The following GRID1 variants were observed in gnomAD, a reference collection of about 807,000 sequenced individuals.
The protein encoded by GRID1 is glutamate ionotropic receptor delta type subunit 1.
In GRID1, 28 loss-of-function variants were observed where a neutral mutation model predicts 98.0. The observed-to-expected ratio is 0.29, with a 90% CI of 0.21 to 0.39. The LOEUF (loss-of-function observed/expected upper bound fraction) is 0.39, where lower values mean the gene tolerates loss of function less well. Among genes scored for constraint, GRID1 ranks in the 10% least tolerant of loss-of-function variants. The pLI is 1.00. For synonymous variants in GRID1, 553 were observed against 538.5 expected (o/e 1.03, Z -0.37); for missense variants, 1,111 against 1,340.5 (o/e 0.83, Z 2.67).
chr10:85,856,304 A>G (rs1843109280), intron 6 of GRID1, 114 bp from the exon 7 acceptor site: 2 of 900,662 alleles, frequency 2.2e-6, no homozygotes, highest in South Asian at 3.2e-5. Context: ...TGTGGTGCCC[A>G]GTATCTATGC....
At chr10:86,096,915 A>T (rs1844228824) in intron 4 of GRID1, among the ~76,000 whole-genome samples, 1 of 152,216 alleles carries the variant, frequency 6.6e-6, no homozygotes, top group Non-Finnish European at 1.5e-5. Context: ...GAGTGGCACC[A>T]CTTACCATTA....
chr10:86,254,357 G>A (rs1846883508), intron 2 of GRID1, among the ~76,000 whole-genome samples: 1 of 152,156 alleles, frequency 6.6e-6, no homozygotes, highest in Non-Finnish European at 1.5e-5. Context: ...TCAAAGTGGG[G>A]TCCCCAGACC....
chr10:86,157,727 G>C (rs570907897), intron 3 of GRID1, among the ~76,000 whole-genome samples: 1 of 152,334 alleles, frequency 6.6e-6, no homozygotes, highest in African/African-American at 2.4e-5. Flanking sequence ...GGGAGTGACA[G>C]TGAGGTTACC....
intron 3 of GRID1, among the ~76,000 whole-genome samples, chr10:86,167,264 T>C (rs1193327795): frequency 6.6e-6 from 1 of 152,234 alleles, no homozygotes; most frequent in Non-Finnish European, 1.5e-5. Context: ...CCCTCCCTGC[T>C]GCTGTCTTCC....
intron 12 of GRID1, among the ~76,000 whole-genome samples, chr10:85,694,856 T>C (rs999941474): frequency 6.6e-6 from 1 of 151,592 alleles, no homozygotes; most frequent in African/African-American, 2.4e-5. Flanking sequence ...ACTTAATGGG[T>C]ACAATGTACA....
At chr10:85,655,358 C>G (rs1840882992) in intron 12 of GRID1, among the ~76,000 whole-genome samples, 1 of 152,216 alleles carries the variant, frequency 6.6e-6, no homozygotes, top group South Asian at 2.1e-4. Flanking sequence ...TTTAAGCTTC[C>G]TGTGCTGTCT....
At chr10:85,644,808 T>C (rs1843165013) in intron 13 of GRID1, among the ~76,000 whole-genome samples, 1 of 152,236 alleles carries the variant, frequency 6.6e-6, no homozygotes, top group South Asian at 2.1e-4. Context: ...CAACTGTTAC[T>C]CCACGTCTTC....
rs564075975 is a variant in GRID1 at position 85,771,342 on chromosome 10, C to A, written c.1234-41728G>T. On this transcript the variant is annotated intron_variant, in intron 8 of 15. Transcript: ENST00000327946. ...AGGAAGCACTAAACATGGAAAGGAACAACCGGTACCAGCCACTGCAAAATC... is the reference window on the plus strand; with the variant it reads ...AGGAAGCACTAAACATGGAAAGGAAAAACCGGTACCAGCCACTGCAAAATC... Among the ~76,000 whole-genome samples, 15 of 152,300 alleles carry A rather than the reference C, an allele frequency of 9.8e-5. No homozygotes were observed. In the South Asian group the frequency reaches 2.1e-3, roughly 21 times the overall value.
In GRID1 at chr10:86,265,359, T is replaced by C. The variant is rs78168275; in HGVS notation, c.236-58711A>G. On this transcript the variant is annotated intron_variant, in intron 2 of 15. Transcript: ENST00000327946. ...TTCAGCAGCATTTGATCATTTCAAC[T>C]GGACCCAGCCCTGATAACCTGTGCC... Among the ~76,000 whole-genome samples the C allele has an allele frequency of 4.3e-3, 655 of 152,400 alleles. 6 individuals carry two copies. The highest frequency in any genetic ancestry group is 0.015 in the African/African-American group (623 of 41,598).
At chr10:85,757,050 A>C (rs1248298179) in intron 8 of GRID1, among the ~76,000 whole-genome samples, 1 of 152,166 alleles carries the variant, frequency 6.6e-6, no homozygotes, top group Non-Finnish European at 1.5e-5. Context: ...TCTACCTTCT[A>C]AAATGTACCT....
rs866170844 is a variant in GRID1, at chr10:85,724,421, G to A, written c.1789C>T (p.Pro597Ser). The A allele has an allele frequency of 2.5e-6, 4 of 1,613,998 alleles. No homozygotes were observed. The highest frequency in any genetic ancestry group is 3.3e-5 in the Admixed American group (2 of 60,006). Residue 597 changes from proline (P) to serine (S), a missense_variant, in exon 11 of 16, where the codon CCC (proline) becomes TCC (serine). Around this residue, in one of 3 missense-constraint regions of GRID1, gnomAD observed 762 missense variants for 869.1 expected, o/e 0.88. Transcript: ENST00000327946. Reference sequence around the variant, plus strand: ...AGAGTGGCAGAAGCTGACGGCCTGGGCTGGGCAGCACTCTGAGCCCTCACA... The same window carrying A: ...AGAGTGGCAGAAGCTGACGGCCTGGACTGGGCAGCACTCTGAGCCCTCACA... ...QAVRAQSAAQ[P>S]RPSASATLHS...
intron 4 of GRID1, among the ~76,000 whole-genome samples, chr10:86,118,973 A>G (rs891173048): frequency 1.3e-5 from 2 of 152,202 alleles, no homozygotes; most frequent in Non-Finnish European, 2.9e-5. Flanking sequence ...CCTGACAACT[A>G]ATGCAATGTG....
In GRID1 at chr10:86,206,372, C is replaced by T. The variant is rs1309686129; in HGVS notation, c.512G>A (p.Ser171Asn). ...RWQKFVMFYD[S>N]EYDIRGLQSF... ...CCTGCCGGACAACTCACCATACTCG[C>T]TGTCGTAGAACATGACGAACTTCTG... Residue 171 changes from serine (S) to asparagine (N), a missense_variant, in exon 3 of 16, where the codon AGC becomes AAC. Ser to Asn is a conservative substitution (Grantham distance 46). Coordinates refer to ENST00000327946, the MANE Select transcript of GRID1 (RefSeq NM_017551.3). The surrounding 1 kb of genome is among the most constrained non-coding windows in gnomAD (Gnocchi z 4.1). The T allele has an allele frequency of 6.3e-7, 1 of 1,596,804 alleles. No homozygotes were observed. Among genetic ancestry groups the T allele is most frequent in the African/African-American group, 1.3e-5 (1 of 74,738 alleles).
chr10:86,233,723 C>G (rs1846492302), intron 2 of GRID1, among the ~76,000 whole-genome samples: 1 of 152,106 alleles, frequency 6.6e-6, no homozygotes, highest in Non-Finnish European at 1.5e-5. Flanking sequence ...CCTCTCTAAC[C>G]TGCTTCCCTC....
chr10:86,341,844 C>T (rs1175520596), intron 2 of GRID1, among the ~76,000 whole-genome samples: 1 of 152,196 alleles, frequency 6.6e-6, no homozygotes, highest in Non-Finnish European at 1.5e-5. Context: ...AGTTCTTAGT[C>T]TGTGGAGCCC....
chr10:85,979,681 T>C (rs879916828), intron 4 of GRID1, among the ~76,000 whole-genome samples: 2 of 152,236 alleles, frequency 1.3e-5, no homozygotes, highest in Non-Finnish European at 1.5e-5. Context: ...CCAAATAAGA[T>C]CACATGCTGT....
At chr10:86,145,019 T>C (rs778060065) in intron 3 of GRID1, among the ~76,000 whole-genome samples, 5 of 152,216 alleles carry the variant, frequency 3.3e-5, no homozygotes, top group African/African-American at 1.2e-4. Context: ...TCCACAAGAA[T>C]GTTCTCTCTT....
At chr10:85,834,577 T>C (rs954948796) in intron 8 of GRID1, among the ~76,000 whole-genome samples, 3 of 152,328 alleles carry the variant, frequency 2.0e-5, no homozygotes, top group East Asian at 1.9e-4. Flanking sequence ...ATTTATTTGA[T>C]AATTGAAACA....
intron 2 of GRID1, among the ~76,000 whole-genome samples, chr10:86,230,927 C>T (rs1041280921): frequency 1.2e-4 from 18 of 152,304 alleles, no homozygotes; most frequent in East Asian, 1.9e-4. Context: ...CTGTGCCCGG[C>T]GGTGTGGGCA....
Sources: allele counts gnomAD v4.1 joint callset (sites outside exome capture counted in the v4.1 genomes callset), GRCh38; gene constraint gnomAD v4.1.1; regional missense constraint gnomAD v4.1.1; non-coding constraint Gnocchi (gnomAD v3.1); transcripts MANE v1.5; gene names NCBI Gene and HGNC (gene_info 2026-07-23, HGNC 2026-07-21).